The following FBN2 variants were observed in gnomAD, a reference collection of about 807,000 sequenced individuals.
The protein encoded by FBN2 is fibrillin 2.
A neutral mutation model predicts 355.6 loss-of-function variants in FBN2; 105 were observed. The observed-to-expected ratio is 0.30, with a 90% CI of 0.25 to 0.35. The LOEUF (loss-of-function observed/expected upper bound fraction) is 0.35. Among genes scored for constraint, FBN2 ranks in the 10% least tolerant of loss-of-function variants. The pLI is 1.00. For missense variants in FBN2, 3,280 were observed against 3,758.7 expected, an observed-to-expected ratio of 0.87 and a Z score of 3.33; for synonymous variants, 1,350 against 1,301.2, an observed-to-expected ratio of 1.04 and a Z score of -0.81.
intron 7 of FBN2, among the ~76,000 whole-genome samples, chr5:128,439,674 C>A (rs2127045103): frequency 6.6e-6 from 1 of 151,960 alleles, no homozygotes; most frequent in African/African-American, 2.4e-5. Flanking sequence ...CCCAGTTTAG[C>A]ATTTGTCTTT....
intron 3 of FBN2, among the ~76,000 whole-genome samples, chr5:128,529,643 C>G (rs1405117051): frequency 6.6e-6 from 1 of 151,976 alleles, no homozygotes; most frequent in African/African-American, 2.4e-5. Context: ...TGTTTTTTGC[C>G]AAAGGCAAAT....
chr5:128,435,146 A>G (rs1009998051), intron 7 of FBN2, among the ~76,000 whole-genome samples: 2 of 152,190 alleles, frequency 1.3e-5, no homozygotes, highest in African/African-American at 4.8e-5. Context: ...ATGTTAAATA[A>G]ATCAAGCCCT....
intron 5 of FBN2, among the ~76,000 whole-genome samples, chr5:128,488,798 A>G (rs963390645): frequency 2.0e-5 from 3 of 151,578 alleles, no homozygotes; most frequent in African/African-American, 7.3e-5. Flanking sequence ...ATGATTTCCA[A>G]TTTCATCCAT....
At chr5:128,425,566 A>T (rs1753462269) in intron 7 of FBN2, among the ~76,000 whole-genome samples, 1 of 152,150 alleles carries the variant, frequency 6.6e-6, no homozygotes, top group Non-Finnish European at 1.5e-5. Flanking sequence ...TTTAAAACAA[A>T]TTTTTGCATA....
chr5:128,269,480 C>A (rs922548721), intron 62 of FBN2, among the ~76,000 whole-genome samples: 3 of 150,240 alleles, frequency 2.0e-5, no homozygotes, highest in African/African-American at 2.4e-5. Flanking sequence ...AAAAACCCAA[C>A]AAACCATTGT....
intron 6 of FBN2, among the ~76,000 whole-genome samples, chr5:128,451,686 C>T (rs1754252978): frequency 6.6e-6 from 1 of 152,174 alleles, no homozygotes; most frequent in Non-Finnish European, 1.5e-5. Context: ...AGGCATGAGC[C>T]ACTGCGCACA....
intron 48 of FBN2, among the ~76,000 whole-genome samples, chr5:128,299,099 G>A (rs1749628658): frequency 2.0e-5 from 3 of 152,152 alleles, no homozygotes; most frequent in South Asian, 4.2e-4. Flanking sequence ...GCCGTGTGAG[G>A]TGTCAGTCTG....
At chr5:128,420,420 A>AT (rs907905524) in intron 7 of FBN2, among the ~76,000 whole-genome samples, 2 of 152,130 alleles carry the variant, frequency 1.3e-5, no homozygotes, top group Non-Finnish European at 2.9e-5. Flanking sequence ...TCTTCTTTTG[A>AT]TTTTTTTCCC....
intron 22 of FBN2, 105 bp downstream of exon 22, chr5:128,349,850 C>G: frequency 2.3e-6 from 2 of 888,296 alleles, no homozygotes; most frequent in Non-Finnish European, 3.7e-6. Flanking sequence ...ATTGAAATGT[C>G]AAGGTTTTTG....
chr5:128,351,713 G>T (rs189209064), intron 20 of FBN2, among the ~76,000 whole-genome samples: 1 of 151,814 alleles, frequency 6.6e-6, no homozygotes, highest in Admixed American at 6.6e-5. Context: ...ATTCTAAGAG[G>T]AGTTGTCCAA....
In FBN2 at chr5:128,308,457, A is replaced by G. The variant is rs575950414; in HGVS notation, c.5353+790T>C. 2.6e-4 allele frequency among the ~76,000 whole-genome samples: 39 copies of G among 152,292 alleles called. No individual in the cohort carries two copies. In the East Asian group the frequency reaches 7.1e-3, roughly 28 times the overall value. On this transcript the variant is annotated intron_variant, in intron 41 of 64. Transcript: ENST00000262464. ...TCTCCTTAATTTCATCAATACATTAAATGGAACATTTAAATACATATACCC... is the reference window on the plus strand; with the variant it reads ...TCTCCTTAATTTCATCAATACATTAGATGGAACATTTAAATACATATACCC...
chr5:128,490,026 A>T (rs1755457591), intron 5 of FBN2, among the ~76,000 whole-genome samples: 1 of 152,172 alleles, frequency 6.6e-6, no homozygotes, highest in Non-Finnish European at 1.5e-5. Flanking sequence ...AAATCATTTC[A>T]TGGAAAGAGC....
At chr5:128,317,585 C>G (rs1267889762) in intron 36 of FBN2, among the ~76,000 whole-genome samples, 1 of 152,104 alleles carries the variant, frequency 6.6e-6, no homozygotes, top group Non-Finnish European at 1.5e-5. Context: ...CCATTTCCTT[C>G]TCTAGGAAAA....
chr5:128,444,689 C>G (rs1368758768), intron 7 of FBN2, among the ~76,000 whole-genome samples: 1 of 152,180 alleles, frequency 6.6e-6, no homozygotes, highest in African/African-American at 2.4e-5. Context: ...AGAACATAGG[C>G]AAGTGGTGAA....
intron 5 of FBN2, among the ~76,000 whole-genome samples, chr5:128,468,215 C>T (rs1180822719): frequency 1.3e-5 from 2 of 152,116 alleles, no homozygotes; most frequent in South Asian, 2.1e-4. Context: ...TTTTGTCTTG[C>T]TTCTTTCACC....
At position 128,305,021 on chromosome 5, in the gene FBN2, T is replaced by C. The variant is rs749412457; in HGVS notation, c.5736A>G (p.Gln1912=). The part of the protein sequence containing the change: ...VCSHGLCVDL[Q]GSYQCICHNG... Reference sequence around the variant, plus strand: ...TGTGGCAGATGCACTGGTAACTTCCTTGCAGATCAACACACAAGCCATGAC... The same window carrying C: ...TGTGGCAGATGCACTGGTAACTTCCCTGCAGATCAACACACAAGCCATGAC... The change falls in exon 45 of 65, where the codon CAA becomes CAG. Residue 1912 remains glutamine (Q), a synonymous_variant. Transcript: ENST00000262464. The C allele has an allele frequency of 3.1e-6, 5 of 1,613,632 alleles. No homozygotes were observed. In the South Asian group the frequency reaches 5.5e-5, roughly 18 times the overall value.
At position 128,280,205 on chromosome 5, in the gene FBN2, G is replaced by C; in HGVS notation, c.7125C>G (p.Gly2375=). The C allele has an allele frequency of 6.2e-7, 1 of 1,611,972 alleles. No homozygotes were observed. ...ATGTCAACTTACCAAGGCATTCAGTGCCTGAAGAACTTGACTGGAATCCTT... is the reference window on the plus strand; with the variant it reads ...ATGTCAACTTACCAAGGCATTCAGTCCCTGAAGAACTTGACTGGAATCCTT... ...CNEGFQSSSS[G]TECLDNRQGL... is the part of the protein sequence containing the mutation. The change falls in exon 56 of 65, where the codon GGC becomes GGG. Residue 2375 remains glycine (G), a synonymous_variant. Coordinates refer to ENST00000262464, the MANE Select transcript of FBN2 (RefSeq NM_001999.4).
At chr5:128,400,662 A>T (rs1752773625) in intron 8 of FBN2, among the ~76,000 whole-genome samples, 1 of 152,240 alleles carries the variant, frequency 6.6e-6, no homozygotes, top group South Asian at 2.1e-4. Context: ...ATTGGTATCA[A>T]CTGGTAATAT....
intron 6 of FBN2, among the ~76,000 whole-genome samples, chr5:128,462,854 T>A (rs998853786): frequency 1.3e-5 from 2 of 152,180 alleles, no homozygotes; most frequent in Admixed American, 1.3e-4. Context: ...TTTGGAAGTA[T>A]TTCAATCTTA....
Sources: allele counts gnomAD v4.1 joint callset (sites outside exome capture counted in the v4.1 genomes callset), GRCh38; gene constraint gnomAD v4.1.1; transcripts MANE v1.5; gene names NCBI Gene and HGNC (gene_info 2026-07-23, HGNC 2026-07-21).